RBM47: variants seen among roughly 807,000 people sequenced by gnomAD.
RBM47 encodes RNA-binding protein 47.
A neutral mutation model predicts 47.1 loss-of-function variants in RBM47; 21 were observed. The observed-to-expected ratio is 0.45, with a 90% confidence interval of 0.32 to 0.64. RBM47 has a LOEUF of 0.64. RBM47 is among the 30% of genes least tolerant of loss of function. The pLI, the probability that RBM47 is intolerant of heterozygous loss-of-function variation, is 0.05. For missense variants in RBM47, 708 were observed against 870.9 expected (o/e 0.81, Z 2.35); for synonymous variants, 375 against 361.7 (o/e 1.04, Z -0.42).
intron 2 of RBM47, among the ~76,000 whole-genome samples, chr4:40,516,776 C>T (rs1725628030): frequency 6.6e-6 from 1 of 152,148 alleles, no homozygotes; most frequent in African/African-American, 2.4e-5. Context: ...CCAAAAGCAC[C>T]TCCTCTCAGA....
At chr4:40,516,738 C>A (rs1725624186) in intron 2 of RBM47, among the ~76,000 whole-genome samples, 1 of 152,178 alleles carries the variant, frequency 6.6e-6, no homozygotes, top group Non-Finnish European at 1.5e-5. Context: ...TTCCTGACAG[C>A]CCAGGATTTC....
At chr4:40,498,670 C>CA (rs910303039) in intron 2 of RBM47, among the ~76,000 whole-genome samples, 994 of 60,684 alleles carry the variant, frequency 0.016, 8 homozygotes, top group Non-Finnish European at 0.021. Flanking sequence ...GACTCCATCT[C>CA]AAAAAAAAAA....
At chr4:40,559,664 C>T (rs1730424925) in intron 1 of RBM47, among the ~76,000 whole-genome samples, 10 of 151,868 alleles carry the variant, frequency 6.6e-5, no homozygotes, top group Admixed American at 6.6e-4. Flanking sequence ...TGAAATATCC[C>T]CTCCACCATC....
At chr4:40,623,311 G>T (rs1441249172) in intron 1 of RBM47, among the ~76,000 whole-genome samples, 1 of 152,214 alleles carries the variant, frequency 6.6e-6, no homozygotes, top group African/African-American at 2.4e-5. Flanking sequence ...CTTGTTATTG[G>T]ATTTCTCTTT....
At chr4:40,440,466 T>G (rs1429790594) in intron 3 of RBM47, among the ~76,000 whole-genome samples, 1 of 152,154 alleles carries the variant, frequency 6.6e-6, no homozygotes, top group African/African-American at 2.4e-5. Context: ...AATTTAGGAC[T>G]AGGAGATGTA....
chr4:40,502,264 C>T (rs140460148), intron 2 of RBM47: 39 of 154,420 alleles, frequency 2.5e-4, no homozygotes, highest in African/African-American at 8.9e-4. Context: ...ATATTGTTTT[C>T]ATGTTGACAC....
chr4:40,473,417 A>T (rs1276668041), intron 2 of RBM47, among the ~76,000 whole-genome samples: 1 of 152,214 alleles, frequency 6.6e-6, no homozygotes, highest in Non-Finnish European at 1.5e-5. Flanking sequence ...GCTATAACAA[A>T]AATGACAAAT....
intron 1 of RBM47, among the ~76,000 whole-genome samples, chr4:40,581,897 G>A (rs747845937): frequency 1.2e-4 from 18 of 151,922 alleles, no homozygotes; most frequent in Non-Finnish European, 1.8e-4. Context: ...TGTGAGCAGC[G>A]CCTCAAGCTC....
intron 2 of RBM47, chr4:40,543,560 G>A (rs28660190): frequency 0.11 from 17,483 of 152,138 alleles, 1,367 homozygotes; most frequent in African/African-American, 0.21. Context: ...TTGGGAGGCT[G>A]AGGTGGGCAG....
At chr4:40,474,354 C>A (rs768103976) in intron 2 of RBM47, among the ~76,000 whole-genome samples, 1 of 152,122 alleles carries the variant, frequency 6.6e-6, no homozygotes, top group Admixed American at 6.6e-5. Context: ...GGTCGCCCCC[C>A]ACACCCACCT....
At chr4:40,563,002 C>T (rs953294000) in intron 1 of RBM47, among the ~76,000 whole-genome samples, 3 of 152,166 alleles carry the variant, frequency 2.0e-5, no homozygotes, top group South Asian at 2.1e-4. Context: ...TCCAAAATGA[C>T]GGGACCCATG....
At position 40,424,700 on chromosome 4, in the gene RBM47, G is replaced by T. The variant is rs919212431; in HGVS notation, c.*1204C>A. ...TAAACATAATGTTTCCAACACCCTTGAGGACCATGGACAGTTTTGCAAGAA... is the reference window on the plus strand; with the variant it reads ...TAAACATAATGTTTCCAACACCCTTTAGGACCATGGACAGTTTTGCAAGAA... On this transcript the variant is annotated 3_prime_UTR_variant, in exon 7 of 7. Coordinates refer to ENST00000295971, the MANE Select transcript of RBM47 (RefSeq NM_001098634.2). 18 of 152,208 alleles carry T rather than the reference G, an allele frequency of 1.2e-4. No homozygotes were observed. Among genetic ancestry groups the T allele is most frequent in the African/African-American group, 4.1e-4 (17 of 41,540 alleles). The allele number at this position is 152,208 out of a possible 1,614,324, so 9.4% of individuals were successfully genotyped here.
At chr4:40,485,896 TAAAAAAAA>T (rs542807983) in intron 2 of RBM47, among the ~76,000 whole-genome samples, 1 of 130,494 alleles carries the variant, frequency 7.7e-6, no homozygotes, top group Non-Finnish European at 1.7e-5. Flanking sequence ...GCCATCTGTG[TAAAAAAAA>T]AAAAAAAAAT....
At chr4:40,537,865 C>G (rs1387527952) in intron 2 of RBM47, among the ~76,000 whole-genome samples, 1 of 150,490 alleles carries the variant, frequency 6.6e-6, no homozygotes, top group East Asian at 2.0e-4. Context: ...TGCGATGTCA[C>G]TGTTTTGCCC....
chr4:40,579,250 A>C (rs1349258635), intron 1 of RBM47, among the ~76,000 whole-genome samples: 2 of 151,264 alleles, frequency 1.3e-5, no homozygotes, highest in Non-Finnish European at 2.9e-5. Flanking sequence ...CTGAAACCCC[A>C]TCTCTACTAA....
At chr4:40,494,204 G>A (rs1249436125) in intron 2 of RBM47, among the ~76,000 whole-genome samples, 1 of 152,074 alleles carries the variant, frequency 6.6e-6, no homozygotes, top group Non-Finnish European at 1.5e-5. Flanking sequence ...ATAATACACG[G>A]CAGAATGGCA....
intron 3 of RBM47, among the ~76,000 whole-genome samples, chr4:40,460,144 A>G (rs574884970): frequency 1.3e-5 from 2 of 152,088 alleles, no homozygotes; most frequent in South Asian, 2.1e-4. Flanking sequence ...ATTGAATGCC[A>G]ATGTTAATAT....
chr4:40,538,172 G>C (rs1331419638), intron 2 of RBM47, among the ~76,000 whole-genome samples: 2 of 152,094 alleles, frequency 1.3e-5, no homozygotes, highest in Non-Finnish European at 2.9e-5. Flanking sequence ...CAGAGATCAG[G>C]CAGAAGGAAA....
At chr4:40,465,157 T>C (rs1282795075) in intron 3 of RBM47, among the ~76,000 whole-genome samples, 1 of 152,006 alleles carries the variant, frequency 6.6e-6, no homozygotes, top group African/African-American at 2.4e-5. Flanking sequence ...GAAGACAAAG[T>C]ACCTATTTTC....
Sources: allele counts gnomAD v4.1 joint callset (sites outside exome capture counted in the v4.1 genomes callset), GRCh38; gene constraint gnomAD v4.1.1; transcripts MANE v1.5; gene names NCBI Gene and HGNC (gene_info 2026-07-23, HGNC 2026-07-21).